The following SP140 variants were observed in gnomAD, a reference collection of about 807,000 sequenced individuals.
SP140 encodes nuclear body protein SP140.
Under a neutral mutation model 125.0 loss-of-function variants are expected in SP140, and 81 were observed. That is an observed-to-expected ratio of 0.65 (90% confidence interval 0.54 to 0.78). The LOEUF (loss-of-function observed/expected upper bound fraction) is 0.78. Among genes scored for constraint, SP140 ranks in the 30% least tolerant of loss-of-function variants. The pLI is 0.00. For missense variants in SP140, 858 were observed against 1,037.0 expected, an observed-to-expected ratio of 0.83 and a Z score of 2.37; for synonymous variants, 312 against 354.0, an observed-to-expected ratio of 0.88 and a Z score of 1.33.
intron 3 of SP140, among the ~76,000 whole-genome samples, chr2:230,240,148 T>C (rs1559231863): frequency 6.6e-6 from 1 of 152,056 alleles, no homozygotes; most frequent in African/African-American, 2.4e-5. Flanking sequence ...CTACACAACA[T>C]CCACAAAAAA....
the SP140 span, among the ~76,000 whole-genome samples, chr2:230,197,053 T>C: frequency 6.6e-6 from 1 of 152,222 alleles, no homozygotes; most frequent in African/African-American, 2.4e-5. Flanking sequence ...TTTGGGTATA[T>C]ACCCGGTAAT....
chr2:230,190,353 T>TG, the SP140 span, among the ~76,000 whole-genome samples: 1 of 152,206 alleles, frequency 6.6e-6, no homozygotes, highest in Non-Finnish European at 1.5e-5. Flanking sequence ...AAATTTTTTT[T>TG]TTTTTGAGAA....
At chr2:230,301,691 T>A (rs1297080849) in intron 22 of SP140, among the ~76,000 whole-genome samples, 3 of 152,084 alleles carry the variant, frequency 2.0e-5, no homozygotes, top group Non-Finnish European at 4.4e-5. Context: ...CCCTAAAGCA[T>A]AAATATCACA....
In SP140 at chr2:230,207,974, T is replaced by C. The variant is rs1185482329; in HGVS notation, c.-323+4695T>C. 2 of 1,331,842 alleles carry C rather than the reference T, an allele frequency of 1.5e-6. No individual in the cohort carries two copies. The highest frequency in any genetic ancestry group is 1.2e-5 in the South Asian group (1 of 83,710). The allele number at this position is 1,331,842 out of a possible 1,614,324, so 82.5% of individuals were successfully genotyped here. On this transcript the variant is annotated intron_variant, in intron 1 of 4. Coordinates refer to the SP140 transcript ENST00000456542. ...GCTGTTTCCAGCCTCCAGCTTCCTC[T>C]TGTACTCTCATCTTACCTCCTGGGA...
At chr2:230,262,183 T>C (rs1344850156) in intron 12 of SP140, among the ~76,000 whole-genome samples, 6 of 152,058 alleles carry the variant, frequency 3.9e-5, no homozygotes. Context: ...ACTAGGAGGG[T>C]TGTATTTTTG....
Position 230,248,973 on chromosome 2 carries a change from T to C in SP140, c.976+5T>C. On this transcript the variant is annotated splice_donor_5th_base_variant and intron_variant, in intron 9 of 26. Transcript: ENST00000392045. Reference sequence around the variant, plus strand: ...TACTACCAGGTGAAGGAGAAGGTAATTATGATTTAAGTTTTTAAATATTTG... The same window carrying C: ...TACTACCAGGTGAAGGAGAAGGTAACTATGATTTAAGTTTTTAAATATTTG... 6.2e-7 allele frequency: 1 copy of C among 1,603,246 alleles called. No homozygotes were observed. Among genetic ancestry groups the C allele is most frequent in the East Asian group, 2.2e-5 (1 of 44,840 alleles).
intron 22 of SP140, among the ~76,000 whole-genome samples, chr2:230,303,083 A>C (rs2149561955): frequency 6.6e-6 from 1 of 152,328 alleles, no homozygotes; most frequent in Non-Finnish European, 1.5e-5. Context: ...AATGAAATTG[A>C]AACAAAAAAA....
Position 230,204,532 on chromosome 2 carries a change from A to G in SP140, c.-323+1253A>G, listed in dbSNP as rs139087561. Among the ~76,000 whole-genome samples the G allele has an allele frequency of 2.9e-3, 448 of 152,298 alleles. 2 individuals carry two copies. The highest frequency in any genetic ancestry group is 3.5e-3 in the Non-Finnish European group (239 of 68,022). ...GTCTATGACCCCTTTTCATAACACA[A>G]TAATGAATTCATAAACTATCCTTTG... On this transcript the variant is annotated intron_variant, in intron 1 of 4. Transcript: ENST00000456542.
upstream of SP140, among the ~76,000 whole-genome samples, chr2:230,198,573 A>C (rs1000675163): frequency 1.3e-5 from 2 of 152,070 alleles, no homozygotes; most frequent in East Asian, 3.9e-4. Flanking sequence ...CCGTGCAACC[A>C]GTCCTGGCAA....
intron 13 of SP140, 106 bp downstream of exon 13, chr2:230,269,724 G>T: frequency 9.2e-7 from 1 of 1,081,910 alleles, no homozygotes; most frequent in South Asian, 1.5e-5. Context: ...AGGAGGAGCA[G>T]TGAAAGGAGA....
At chr2:230,236,950 G>T in intron 1 of SP140, 133 bp from the exon 2 acceptor site, 14 of 547,904 alleles carry the variant, frequency 2.6e-5, no homozygotes, top group South Asian at 1.5e-4. Context: ...ATTCATTCTG[G>T]TCTCCCTACA....
chr2:230,213,197 A>G (rs924911675), intron 1 of SP140, among the ~76,000 whole-genome samples: 1 of 152,170 alleles, frequency 6.6e-6, no homozygotes, highest in Non-Finnish European at 1.5e-5. Flanking sequence ...TGGCCCCTTA[A>G]TATTTTATTT....
intron 1 of SP140, among the ~76,000 whole-genome samples, chr2:230,235,321 C>G (rs1183544991): frequency 6.6e-6 from 1 of 152,142 alleles, no homozygotes; most frequent in Admixed American, 6.5e-5. Context: ...ATGAGTACCC[C>G]TCAGACCACT....
chr2:230,279,063 A>T (rs1383146969), intron 15 of SP140, among the ~76,000 whole-genome samples: 1 of 152,168 alleles, frequency 6.6e-6, no homozygotes, highest in Non-Finnish European at 1.5e-5. Flanking sequence ...TTAAGAAAAC[A>T]ATCCCATTTA....
At chr2:230,290,708 C>G (rs1044779164) in intron 19 of SP140, 144 bp downstream of exon 19, 1 of 675,890 alleles carries the variant, frequency 1.5e-6, no homozygotes, top group African/African-American at 1.9e-5. Flanking sequence ...TCTAAGATGA[C>G]GTTTACAGAC....
chr2:230,271,058 A>G (rs903343347), intron 15 of SP140, among the ~76,000 whole-genome samples: 6 of 152,226 alleles, frequency 3.9e-5, no homozygotes, highest in Non-Finnish European at 8.8e-5. Flanking sequence ...CTGAAAAGAC[A>G]AGGAAATAGC....
intron 9 of SP140, among the ~76,000 whole-genome samples, chr2:230,249,244 C>A (rs1353912017): frequency 6.6e-6 from 1 of 152,208 alleles, no homozygotes; most frequent in Non-Finnish European, 1.5e-5. Flanking sequence ...CAGAGAAGTG[C>A]GTGGGTGATG....
At chr2:230,269,119 G>T (rs779944967) in intron 12 of SP140, among the ~76,000 whole-genome samples, 5 of 152,174 alleles carry the variant, frequency 3.3e-5, no homozygotes, top group African/African-American at 4.8e-5. Context: ...TGTGGAGGGG[G>T]TGTTGCTGAC....
At chr2:230,226,929 A>T (rs995608919) in intron 1 of SP140, among the ~76,000 whole-genome samples, 1 of 152,182 alleles carries the variant, frequency 6.6e-6, no homozygotes, top group Non-Finnish European at 1.5e-5. Context: ...ATACAGTATA[A>T]CTATTTGTAT....
Sources: allele counts gnomAD v4.1 joint callset (sites outside exome capture counted in the v4.1 genomes callset), GRCh38; gene constraint gnomAD v4.1.1; transcripts MANE v1.5; gene names NCBI Gene and HGNC (gene_info 2026-07-23, HGNC 2026-07-21).